The following RASAL2 variants were observed in gnomAD, a reference collection of about 807,000 sequenced individuals.
The protein encoded by RASAL2 is RAS protein activator like 2.
In RASAL2, 58 loss-of-function variants were observed where a neutral mutation model predicts 128.9. That is an observed-to-expected ratio of 0.45 (90% CI 0.36 to 0.56). The LOEUF (loss-of-function observed/expected upper bound fraction) is 0.56, where lower values mean the gene tolerates loss of function less well. Among genes scored for constraint, RASAL2 ranks in the 20% least tolerant of loss-of-function variants. The probability of loss-of-function intolerance (pLI) is 0.00; values close to 1 mark genes in which losing one functional copy is unlikely to be tolerated. For synonymous variants in RASAL2, 561 were observed against 580.8 expected (o/e 0.97, Z 0.49); for missense variants, 1,360 against 1,601.6 (o/e 0.85, Z 2.57).
chr1:178,427,182 G>A (rs537771372), intron 5 of RASAL2, among the ~76,000 whole-genome samples: 1 of 152,136 alleles, frequency 6.6e-6, no homozygotes, highest in Non-Finnish European at 1.5e-5. Context: ...CATATAGGAG[G>A]GTGTTGGGAC....
At chr1:178,392,183 G>T (rs1022753158) in intron 4 of RASAL2, among the ~76,000 whole-genome samples, 1 of 152,158 alleles carries the variant, frequency 6.6e-6, no homozygotes, top group Non-Finnish European at 1.5e-5. Flanking sequence ...AAAATGACCA[G>T]ATTCATAAAG....
chr1:178,260,065 A>T (rs1165711954), intron 1 of RASAL2, among the ~76,000 whole-genome samples: 3 of 151,830 alleles, frequency 2.0e-5, no homozygotes, highest in African/African-American at 4.8e-5. Flanking sequence ...TTAAAAATAT[A>T]TTTGAGGCCA....
intron 3 of RASAL2, among the ~76,000 whole-genome samples, chr1:178,364,267 C>T (rs1017089670): frequency 6.6e-6 from 1 of 152,098 alleles, no homozygotes; most frequent in Non-Finnish European, 1.5e-5. Flanking sequence ...TCATACCTCA[C>T]CCAAAATATC....
At chr1:178,235,219 C>A (rs1001984826) in intron 1 of RASAL2, among the ~76,000 whole-genome samples, 1 of 152,166 alleles carries the variant, frequency 6.6e-6, no homozygotes, top group Non-Finnish European at 1.5e-5. Context: ...AGTTTAAAAT[C>A]TTACAATCAG....
chr1:178,456,630 C>A, intron 12 of RASAL2, 91 bp from the exon 13 acceptor site: 2 of 1,367,020 alleles, frequency 1.5e-6, no homozygotes, highest in Non-Finnish European at 2.1e-6. Context: ...ACCTACACCC[C>A]TCCATCAATG....
At position 178,390,183 on chromosome 1, in the gene RASAL2, A is replaced by G. The variant is rs1334495712; in HGVS notation, c.541A>G (p.Asn181Asp). ...SEKPNSMDTA[N>D]TSPFKVPGFF... ...GAAACCCAACTCCATGGACACTGCA[A>G]ATACCTCACCCTTCAAAGTACCAGT... The change falls in exon 4 of 18, where the codon AAT becomes GAT. Residue 181 changes from asparagine to aspartate, a missense_variant. By Grantham distance (23) the Asn-to-Asp change is conservative. Coordinates refer to ENST00000367649, the MANE Select transcript of RASAL2 (RefSeq NM_170692.4). The G allele has an allele frequency of 6.2e-7, 1 of 1,610,556 alleles. No individual in the cohort carries two copies. The highest frequency in any genetic ancestry group is 8.5e-7 in the Non-Finnish European group (1 of 1,177,396).
intron 1 of RASAL2, among the ~76,000 whole-genome samples, chr1:178,111,504 C>T (rs1331469588): frequency 1.3e-5 from 2 of 152,154 alleles, no homozygotes; most frequent in East Asian, 3.9e-4. Context: ...ATCACATTTT[C>T]CTACCAGCAG....
chr1:178,146,634 A>G (rs541993342), intron 1 of RASAL2, among the ~76,000 whole-genome samples: 5 of 152,208 alleles, frequency 3.3e-5, no homozygotes, highest in Non-Finnish European at 7.3e-5. Context: ...AGCTTTTATA[A>G]TGGTGACTTC....
Position 178,111,372 on chromosome 1 carries a change from G to A in RASAL2, c.202+16678G>A, listed in dbSNP as rs188847006. 2.0e-5 allele frequency among the ~76,000 whole-genome samples: 3 copies of A among 152,282 alleles called. No individual in the cohort carries two copies. The East Asian group carries it at 5.8e-4, about 29-fold the overall frequency. On this transcript the variant is annotated intron_variant, in intron 1 of 17. Transcript: ENST00000367649. ...GATCCTCCTGCCTTGGCCTCCCAAAGTGCTAGGATTACGTGCATGAGCCAC... is the reference window on the plus strand; with the variant it reads ...GATCCTCCTGCCTTGGCCTCCCAAAATGCTAGGATTACGTGCATGAGCCAC...
intron 3 of RASAL2, among the ~76,000 whole-genome samples, chr1:178,351,003 C>CTTCT (rs1670443963): frequency 6.6e-6 from 1 of 152,078 alleles, no homozygotes; most frequent in South Asian, 2.1e-4. Flanking sequence ...TGACAGAAGG[C>CTTCT]AAAACGAGAT....
intron 5 of RASAL2, among the ~76,000 whole-genome samples, chr1:178,438,546 AC>A (rs1676405195): frequency 6.6e-6 from 1 of 152,084 alleles, no homozygotes; most frequent in South Asian, 2.1e-4. Flanking sequence ...TATTGTACTT[AC>A]GTTTGACTCC....
In RASAL2 at chr1:178,197,758, G is replaced by C. The variant is rs377467677; in HGVS notation, c.203-85806G>C. The stretch of plus-strand genomic sequence containing the variant: ...GTACATGTGCACAATGTGCAGGTTT[G>C]TTACATGTGTATACATGTGCCATTT... On this transcript the variant is annotated intron_variant, in intron 1 of 17. Transcript: ENST00000367649. 3.6e-3 allele frequency among the ~76,000 whole-genome samples: 543 copies of C among 152,100 alleles called. 2 individuals are homozygous for C. Among genetic ancestry groups the C allele is most frequent in the South Asian group, 8.9e-3 (43 of 4,822 alleles).
chr1:178,248,393 C>T (rs976936920), intron 1 of RASAL2, among the ~76,000 whole-genome samples: 3 of 151,908 alleles, frequency 2.0e-5, no homozygotes, highest in Non-Finnish European at 4.4e-5. Flanking sequence ...GATTGCAACC[C>T]TGCTTTTTTT....
chr1:178,393,655 CTTCT>C (rs965238565), intron 4 of RASAL2, among the ~76,000 whole-genome samples: 1 of 152,170 alleles, frequency 6.6e-6, no homozygotes, highest in African/African-American at 2.4e-5. Flanking sequence ...GAGTTTCTTC[CTTCT>C]TTCGCTCTCA....
At chr1:178,279,868 T>C (rs749610100) in intron 1 of RASAL2, among the ~76,000 whole-genome samples, 10 of 152,156 alleles carry the variant, frequency 6.6e-5, no homozygotes, top group Non-Finnish European at 1.0e-4. Flanking sequence ...AAAACTTTTC[T>C]GAAGATTGAT....
chr1:178,414,217 T>G (rs1431304961), intron 4 of RASAL2, among the ~76,000 whole-genome samples: 1 of 152,124 alleles, frequency 6.6e-6, no homozygotes, highest in Non-Finnish European at 1.5e-5. Flanking sequence ...CCATCTTAAA[T>G]GGGGGACTAT....
At chr1:178,447,711 A>G (rs2102868712) in intron 9 of RASAL2, among the ~76,000 whole-genome samples, 2 of 148,872 alleles carry the variant, frequency 1.3e-5, no homozygotes, top group African/African-American at 5.0e-5. Context: ...AGCCATTGTA[A>G]TAAGAAAGAA....
intron 5 of RASAL2, among the ~76,000 whole-genome samples, chr1:178,422,525 T>G (rs1014979895): frequency 2.4e-4 from 36 of 152,242 alleles, no homozygotes; most frequent in Non-Finnish European, 4.4e-4. Context: ...TATAGAGGTG[T>G]ACTCAATATA....
In RASAL2 at chr1:178,197,240, G is replaced by A. The variant is rs575085801; in HGVS notation, c.203-86324G>A. On this transcript the variant is annotated intron_variant, in intron 1 of 17. Coordinates refer to ENST00000367649, the MANE Select transcript of RASAL2 (RefSeq NM_170692.4). ...TGGGGGGCCGAGGCAGGCAGATCAC[G>A]ATGTCAGGAGTTTGAGACCAGCCTG... Among the ~76,000 whole-genome samples the A allele has an allele frequency of 1.7e-4, 26 of 152,212 alleles. No homozygotes were observed. In the South Asian group the frequency reaches 4.8e-3, roughly 28 times the overall value.
Sources: gnomAD v4.1 joint callset for allele counts (sites outside exome capture counted in the v4.1 genomes callset) on GRCh38, gnomAD v4.1.1 for gene constraint, MANE v1.5 for transcripts, NCBI Gene and HGNC (gene_info 2026-07-23, HGNC 2026-07-21) for gene names.